The following WDR46 variants were observed in gnomAD, a reference collection of about 807,000 sequenced individuals.
The protein encoded by WDR46 is WD repeat-containing protein 46.
In WDR46, 58 loss-of-function variants were observed where a neutral mutation model predicts 74.7. The observed-to-expected ratio is 0.78, with a 90% CI of 0.63 to 0.97. The LOEUF (loss-of-function observed/expected upper bound fraction) is 0.97, where lower values mean the gene tolerates loss of function less well. WDR46 is among the 50% of genes least tolerant of loss of function. The probability of loss-of-function intolerance (pLI) is 0.00; values close to 1 mark genes in which losing one functional copy is unlikely to be tolerated. For synonymous variants in WDR46, 278 were observed against 297.3 expected (o/e 0.93, Z 0.67); for missense variants, 702 against 790.1 (o/e 0.89, Z 1.34).
chr6:33,289,227 G>A lies in WDR46; in HGVS notation c.-57C>T. On this transcript the variant is annotated 5_prime_UTR_variant, in exon 1 of 15. Coordinates refer to ENST00000374617, the MANE Select transcript of WDR46 (RefSeq NM_005452.6). ...AACTCCTCTCAGCTGCCACACAGTC[G>A]GCTTGAAAACTCCCGGAAGCCCTCT... 2.5e-6 allele frequency: 4 copies of A among 1,575,050 alleles called. No individual in the cohort carries two copies. The highest frequency in any genetic ancestry group is 2.3e-5 in the South Asian group (2 of 87,094).
chr6:33,280,590 T>G (rs1766082262), intron 11 of WDR46, 68 bp from the exon 12 acceptor site: 1 of 1,602,986 alleles, frequency 6.2e-7, no homozygotes, highest in Admixed American at 1.7e-5. Context: ...CCAGCCCAAC[T>G]AAGCCCCCAG....
At chr6:33,287,032 C>T (rs747309051) in intron 9 of WDR46, 59 bp downstream of exon 9, 5 of 1,594,296 alleles carry the variant, frequency 3.1e-6, no homozygotes, top group Non-Finnish European at 3.4e-6. Context: ...TCATGAAGTA[C>T]AAATATAGAA....
chr6:33,283,704 A>G (rs1412012910), intron 10 of WDR46, among the ~76,000 whole-genome samples: 1 of 152,100 alleles, frequency 6.6e-6, no homozygotes, highest in Non-Finnish European at 1.5e-5. Context: ...GTTTGAGACC[A>G]GCCAAGCCAA....
chr6:33,288,903 AT>A lies in WDR46; in HGVS notation c.179del (p.Asn60MetfsTer5). 6.2e-7 allele frequency: 1 copy of A among 1,613,910 alleles called. No individual in the cohort carries two copies. The highest frequency in any genetic ancestry group is 8.5e-7 in the Non-Finnish European group (1 of 1,179,966). ...TCCGAGACTTCTTTAAGATGTAAGC[AT>A]TTTTTGGTCTCTGAGGACGGAGCTC... is the stretch of plus-strand genomic sequence containing the variant. Reference protein sequence around the residue: ...NRELRPQRPKNAYILKKSRIS... With the variant: ...NRELRPQRPKXAYILKKSRIS... On this transcript the variant is annotated frameshift_variant, in exon 2 of 15. Coordinates refer to ENST00000374617, the MANE Select transcript of WDR46 (RefSeq NM_005452.6). LOFTEE classifies it high-confidence loss of function.
rs779101149 is a variant in WDR46, at chr6:33,280,895, C to G, written c.1208G>C (p.Gly403Ala). Reference sequence around the variant, plus strand: ...CTGGGAGAAGGCCAGGTGCCCTGCTCCATGGGGCAGGGTCCGAGTGCTCAG... The same window carrying G: ...CTGGGAGAAGGCCAGGTGCCCTGCTGCATGGGGCAGGGTCCGAGTGCTCAG... ...QPLSTRTLPH[G>A]AGHLAFSQRG... Residue 403 changes from glycine to alanine, a missense_variant, in exon 11 of 15, where the codon GGA (glycine) becomes GCA (alanine). Physicochemically the swap from Gly to Ala is moderately conservative, Grantham distance 60. Coordinates refer to ENST00000374617, the MANE Select transcript of WDR46 (RefSeq NM_005452.6). 1.2e-6 allele frequency: 2 copies of G among 1,614,104 alleles called. No individual in the cohort carries two copies. The highest frequency in any genetic ancestry group is 2.2e-5 in the South Asian group (2 of 91,086).
At chr6:33,284,126 G>A (rs143629767) in intron 10 of WDR46, among the ~76,000 whole-genome samples, 1,696 of 151,704 alleles carry the variant, frequency 0.011, 19 homozygotes, top group Non-Finnish European at 0.015. Flanking sequence ...GTGGGCGCCT[G>A]TAATCCCAGC....
At position 33,288,896 on chromosome 6, in the gene WDR46, T is replaced by C. The variant is rs550722772; in HGVS notation, c.187A>G (p.Ile63Val). Residue 63 changes from isoleucine (I) to valine (V), a missense_variant, in exon 2 of 15, where the codon ATC becomes GTC. Ile to Val is a conservative substitution (Grantham distance 29). Transcript: ENST00000374617. ...TTAGAGATCCGAGACTTCTTTAAGA[T>C]GTAAGCATTTTTTGGTCTCTGAGGA... Reference protein sequence around the residue: ...LRPQRPKNAYILKKSRISKKP... With the variant: ...LRPQRPKNAYVLKKSRISKKP... 2 of 1,614,078 alleles carry C rather than the reference T, an allele frequency of 1.2e-6. No homozygotes were observed. The highest frequency in any genetic ancestry group is 4.5e-5 in the East Asian group (2 of 44,878).
In WDR46 at chr6:33,288,401, T is replaced by C. The variant is rs1455479031; in HGVS notation, c.430A>G (p.Ile144Val). The C allele has an allele frequency of 1.2e-6, 2 of 1,614,080 alleles. No homozygotes were observed. The highest frequency in any genetic ancestry group is 2.2e-5 in the East Asian group (1 of 44,894). ...AGCAGCTCAGAACGAGCAGCTTTGA[T>C]ACTTGTTTCCTCTTCCTCAGCTTCA... ...VAEAEEEETS[I>V]KAARSELLLA... The change falls in exon 4 of 15, where the codon ATC (isoleucine) becomes GTC (valine). Residue 144 changes from isoleucine to valine, a missense_variant. Coordinates refer to ENST00000374617, the MANE Select transcript of WDR46 (RefSeq NM_005452.6).
intron 10 of WDR46, among the ~76,000 whole-genome samples, chr6:33,285,188 A>G (rs1255674128): frequency 2.1e-5 from 2 of 94,132 alleles, no homozygotes; most frequent in African/African-American, 1.1e-4. Flanking sequence ...TGTATTACAC[A>G]AATATATTTG....
At chr6:33,283,759 T>C (rs550150631) in intron 10 of WDR46, among the ~76,000 whole-genome samples, 8 of 152,056 alleles carry the variant, frequency 5.3e-5, no homozygotes, top group East Asian at 3.9e-4. Context: ...AATTAGCGCA[T>C]GCAGTGGCAT....
chr6:33,284,986 A>T lies in WDR46; in HGVS notation c.1115+1809T>A, dbSNP rs188952638. 1.9e-3 allele frequency among the ~76,000 whole-genome samples: 289 copies of T among 152,246 alleles called. 2 individuals are homozygous for T. Among genetic ancestry groups the T allele is most frequent in the African/African-American group, 6.3e-3 (262 of 41,570 alleles). ...GTAAGTGCTTCACAGCATTTCAAGCACCTCACATATCACCTATCATTACCT... is the reference window on the plus strand; with the variant it reads ...GTAAGTGCTTCACAGCATTTCAAGCTCCTCACATATCACCTATCATTACCT... On this transcript the variant is annotated intron_variant, in intron 10 of 14. Transcript: ENST00000374617.
Position 33,287,089 on chromosome 6 carries a change from A to C in WDR46, c.1015+2T>G. 9 of 1,613,466 alleles carry C rather than the reference A, an allele frequency of 5.6e-6. No homozygotes were observed. Among genetic ancestry groups the C allele is most frequent in the Non-Finnish European group, 7.6e-6 (9 of 1,179,640 alleles). ...AGAGTCAAAACTAAGCCAGGTACTGACCATTGCTGTGTCCGAGATGGATGA... is the reference window on the plus strand; with the variant it reads ...AGAGTCAAAACTAAGCCAGGTACTGCCCATTGCTGTGTCCGAGATGGATGA... On this transcript the variant is annotated splice_donor_variant, in intron 9 of 14. Transcript: ENST00000374617. LOFTEE classifies it high-confidence loss of function.
intron 4 of WDR46, 42 bp from the exon 5 acceptor site, chr6:33,288,277 G>A (rs1321347969): frequency 3.1e-6 from 5 of 1,613,776 alleles, no homozygotes; most frequent in Middle Eastern, 1.6e-4. Context: ...TTCCCAATAT[G>A]AAGCAAGTAT....
In WDR46 at chr6:33,279,334, T is replaced by G. The variant is rs781052336; in HGVS notation, c.1775A>C (p.Glu592Ala). ...GGCCCCCGTGGGCTTGGCCTTCGCC[T>G]CCTTATGATGCTGCTGCTGAAGGCT... ...RQSLQQQHHK[E>A]AKAKPTGARP... is the part of the protein sequence containing the mutation. Residue 592 changes from glutamate to alanine, a missense_variant, in exon 15 of 15, where the codon GAG becomes GCG. Glu to Ala is a moderately radical substitution (Grantham distance 107). Transcript: ENST00000374617. 133 of 1,614,218 alleles carry G rather than the reference T, an allele frequency of 8.2e-5. No homozygotes were observed. Among genetic ancestry groups the G allele is most frequent in the Non-Finnish European group, 1.0e-4 (123 of 1,180,044 alleles).
intron 10 of WDR46, among the ~76,000 whole-genome samples, chr6:33,283,472 C>G (rs1766362611): frequency 6.6e-6 from 1 of 152,018 alleles, no homozygotes; most frequent in East Asian, 1.9e-4. Flanking sequence ...TGGTGTGTAC[C>G]TGAGTCAAAT....
At chr6:33,282,568 A>G (rs1013871125) in intron 10 of WDR46, among the ~76,000 whole-genome samples, 1 of 152,196 alleles carries the variant, frequency 6.6e-6, no homozygotes, top group Admixed American at 6.5e-5. Context: ...TCATAATACA[A>G]GCTACCAGAA....
At chr6:33,281,643 T>C (rs1766193640) in intron 10 of WDR46, among the ~76,000 whole-genome samples, 2 of 152,214 alleles carry the variant, frequency 1.3e-5, no homozygotes, top group Non-Finnish European at 2.9e-5. Context: ...CATTGCTCTC[T>C]GGCAGTGACA....
chr6:33,279,604 C>T lies in WDR46; in HGVS notation c.1627G>A (p.Asp543Asn), dbSNP rs1765946026. The change falls in exon 14 of 15, where the codon GAC becomes AAC. Residue 543 changes from aspartate (D) to asparagine (N), a missense_variant. Transcript: ENST00000374617. ...TGGAAGGGAGCCTTAGCCTGCGGGT[C>T]ATAGCCCTGAGGGAGGGGACAGGAG... ...KKEQIERLGY[D>N]PQAKAPFQPK... 1 of 1,614,174 alleles carries T rather than the reference C, an allele frequency of 6.2e-7. No individual in the cohort carries two copies. The highest frequency in any genetic ancestry group is 1.3e-5 in the African/African-American group (1 of 75,066).
In WDR46 at chr6:33,279,814, C is replaced by A. The variant is rs1215922238; in HGVS notation, c.1570G>T (p.Val524Leu). The change falls in exon 13 of 15, where the codon GTG (valine) becomes TTG (leucine). Residue 524 changes from valine (V) to leucine (L), a missense_variant. Coordinates refer to ENST00000374617, the MANE Select transcript of WDR46 (RefSeq NM_005452.6). ...CCCTGCTCCAGGGAGATGACATCCA[C>A]CTCGGCCAGGGCTCGTGGGTCCAGA... Reference protein sequence around the residue: ...ICLDPRALAEVDVISLEQGKK... With the variant: ...ICLDPRALAELDVISLEQGKK... 1.2e-6 allele frequency: 2 copies of A among 1,614,144 alleles called. No individual in the cohort carries two copies. The highest frequency in any genetic ancestry group is 1.7e-6 in the Non-Finnish European group (2 of 1,180,000).
Sources: allele counts gnomAD v4.1 joint callset (sites outside exome capture counted in the v4.1 genomes callset), GRCh38; gene constraint gnomAD v4.1.1; transcripts MANE v1.5; gene names NCBI Gene and HGNC (gene_info 2026-07-23, HGNC 2026-07-21).